The following CLMN variants were observed in gnomAD, a reference collection of about 807,000 sequenced individuals.
The protein encoded by CLMN is calmin.
Under a neutral mutation model 92.7 loss-of-function variants are expected in CLMN, and 57 were observed. The ratio of observed to expected loss-of-function variants is 0.61; its 90% CI spans 0.50 to 0.77. The LOEUF is 0.77. Among genes scored for constraint, CLMN ranks in the 30% least tolerant of loss-of-function variants. The probability of loss-of-function intolerance (pLI) is 0.00; values close to 1 mark genes in which losing one functional copy is unlikely to be tolerated. For synonymous variants in CLMN, 466 were observed against 470.6 expected, an observed-to-expected ratio of 0.99 and a Z score of 0.13; for missense variants, 1,158 against 1,237.5, an observed-to-expected ratio of 0.94 and a Z score of 0.96.
rs1392602177 is a variant in CLMN, at chr14:95,182,670, G to A, written c.*8894C>T. The A allele has an allele frequency of 6.6e-6, 1 of 152,238 alleles. No individual in the cohort carries two copies. The highest frequency in any genetic ancestry group is 2.4e-5 in the African/African-American group (1 of 41,454). 9.4% of individuals were successfully genotyped at this position (152,238 alleles called of 1,614,324 possible). The stretch of plus-strand genomic sequence containing the variant: ...TTGGAATGCAAACGGCTCCGATTCT[G>A]AGTAGAATTTCAGAAGCCTTTTTGA... On this transcript the variant is annotated 3_prime_UTR_variant, in exon 13 of 13. Coordinates refer to ENST00000298912, the MANE Select transcript of CLMN (RefSeq NM_024734.4).
rs185104374 is a variant in CLMN, at chr14:95,294,270, G to T, written c.82+25441C>A. On this transcript the variant is annotated intron_variant, in intron 1 of 12. Coordinates refer to ENST00000298912, the MANE Select transcript of CLMN (RefSeq NM_024734.4). This position sits in a 1 kb window ranked among gnomAD's most constrained non-coding sequence, Gnocchi z 4.2. ...AAAAGGCATGGCCCCTGCTTGCACGGGGAAGACAAAATTTAACCAAGAAAA... is the reference window on the plus strand; with the variant it reads ...AAAAGGCATGGCCCCTGCTTGCACGTGGAAGACAAAATTTAACCAAGAAAA... 1.3e-3 allele frequency among the ~76,000 whole-genome samples: 205 copies of T among 152,356 alleles called. 1 individual carries two copies. The highest frequency in any genetic ancestry group is 4.7e-3 in the African/African-American group (197 of 41,584).
rs1899156480 is a variant in CLMN, at chr14:95,259,306, G to A, written c.83-29173C>T. Among the ~76,000 whole-genome samples, 1 of 152,060 alleles carries A rather than the reference G, an allele frequency of 6.6e-6. No homozygotes were observed. The highest frequency in any genetic ancestry group is 1.5e-5 in the Non-Finnish European group (1 of 67,992). On this transcript the variant is annotated intron_variant, in intron 1 of 12. Coordinates refer to ENST00000298912, the MANE Select transcript of CLMN (RefSeq NM_024734.4). This position sits in a 1 kb window ranked among gnomAD's most constrained non-coding sequence, Gnocchi z 4.3. ...GGGGTAAACACATATGTTTGGTTGG[G>A]AGATGCGACAGAGCTGACAGCAGGC... is the stretch of plus-strand genomic sequence containing the variant.
Position 95,215,773 on chromosome 14 carries a change from A to G in CLMN, c.325-40T>C, listed in dbSNP as rs368091352. ...TTTATGAACTTAAAGCGAGGTGTCC[A>G]GGGAGGATAACATATGTTATTTTCT... On this transcript the variant is annotated intron_variant, in intron 4 of 12. Coordinates refer to ENST00000298912, the MANE Select transcript of CLMN (RefSeq NM_024734.4). 2.8e-6 allele frequency: 4 copies of G among 1,444,562 alleles called. No homozygotes were observed. In the African/African-American group the frequency reaches 5.6e-5, roughly 20 times the overall value. The allele number at this position is 1,444,562 out of a possible 1,614,324, so 89.5% of individuals were successfully genotyped here.
In CLMN at chr14:95,191,564, T is replaced by G. The variant is rs199504575; in HGVS notation, c.3009A>C (p.Ter1003CysextTer40). Residue 1003 changes from the stop codon to cysteine, a stop_lost, in exon 13 of 13, where the codon TGA becomes TGC. Coordinates refer to ENST00000298912, the MANE Select transcript of CLMN (RefSeq NM_024734.4). The surrounding 1 kb of genome is among the most constrained non-coding windows in gnomAD (Gnocchi z 5.3). Reference protein sequence around the residue: ...LFPQLDVSRL* With the variant: ...LFPQLDVSRLC ...CTTTTTTATTATCCAGACACACGTA[T>G]CAGAGCCTGCTAACATCCAGTTGTG... The G allele has an allele frequency of 2.0e-5, 33 of 1,610,672 alleles. No individual in the cohort carries two copies. The highest frequency in any genetic ancestry group is 1.7e-6 in the Non-Finnish European group (2 of 1,178,632).
intron 1 of CLMN, among the ~76,000 whole-genome samples, chr14:95,297,706 C>G (rs1366549662): frequency 6.6e-6 from 1 of 152,098 alleles, no homozygotes; most frequent in Non-Finnish European, 1.5e-5. Flanking sequence ...CTTCTTCCTC[C>G]TGAGCAGTAT....
chr14:95,319,579 C>T (rs1409280613), intron 1 of CLMN, 132 bp downstream of exon 1: 1 of 750,324 alleles, frequency 1.3e-6, no homozygotes, highest in Non-Finnish European at 2.0e-6. Flanking sequence ...CAGCCTCCCA[C>T]CTCGAGGCAA....
At chr14:95,319,489 G>T (rs1033547156) in intron 1 of CLMN, among the ~76,000 whole-genome samples, 1 of 152,256 alleles carries the variant, frequency 6.6e-6, no homozygotes, top group South Asian at 2.1e-4. Context: ...ACACACACAC[G>T]TGTGGCGCCC....
At chr14:95,261,399 T>G (rs1296759738) in intron 1 of CLMN, among the ~76,000 whole-genome samples, 1 of 152,118 alleles carries the variant, frequency 6.6e-6, no homozygotes, top group Non-Finnish European at 1.5e-5. Flanking sequence ...TTTCAGAGAG[T>G]GGGTGAATTC....
chr14:95,221,814 G>T, intron 3 of CLMN, 40 bp from the exon 4 acceptor site: 3 of 1,574,408 alleles, frequency 1.9e-6, no homozygotes, highest in East Asian at 2.2e-5. Context: ...CATTAAACCC[G>T]CACAGGCACT....
chr14:95,229,998 C>T (rs986394950), intron 2 of CLMN, 74 bp downstream of exon 2: 1 of 1,393,660 alleles, frequency 7.2e-7, no homozygotes, highest in Non-Finnish European at 1.0e-6. Context: ...ACCAGCTCCC[C>T]CTCCACTCTC....
At chr14:95,264,643 G>C (rs1337372031) in intron 1 of CLMN, among the ~76,000 whole-genome samples, 1 of 152,158 alleles carries the variant, frequency 6.6e-6, no homozygotes, top group Non-Finnish European at 1.5e-5. Context: ...ACTTCTATGA[G>C]CATGTTTAGA....
intron 8 of CLMN, 85 bp from the exon 9 acceptor site, chr14:95,204,548 A>C: frequency 7.9e-7 from 1 of 1,268,522 alleles, no homozygotes; most frequent in East Asian, 2.5e-5. Context: ...GAGTAAGAAG[A>C]ATATTTAAGT....
At chr14:95,212,820 C>G (rs1465257249) in intron 6 of CLMN, among the ~76,000 whole-genome samples, 1 of 145,340 alleles carries the variant, frequency 6.9e-6, no homozygotes, top group African/African-American at 2.6e-5. Flanking sequence ...TTGTCTCGCT[C>G]TGTTGCCCAG....
chr14:95,190,538 A>C lies in CLMN; in HGVS notation c.*1026T>G, dbSNP rs1181508747. The C allele has an allele frequency of 6.6e-6, 1 of 152,588 alleles. No homozygotes were observed. Among genetic ancestry groups the C allele is most frequent in the Non-Finnish European group, 1.5e-5 (1 of 68,320 alleles). 9.5% of individuals were successfully genotyped at this position (152,588 alleles called of 1,614,324 possible). ...AGAGAGCAGAGGGAGCCTGGGGCTG[A>C]GGAAGACTGGGGGCAGGGGTGCTAG... On this transcript the variant is annotated 3_prime_UTR_variant, in exon 13 of 13. Transcript: ENST00000298912.
At chr14:95,308,799 A>G (rs1172630527) in intron 1 of CLMN, among the ~76,000 whole-genome samples, 1 of 151,872 alleles carries the variant, frequency 6.6e-6, no homozygotes, top group Non-Finnish European at 1.5e-5. Flanking sequence ...TCAGGTTGCA[A>G]CTCCCCCAGT....
Position 95,203,834 on chromosome 14 carries a change from A to C in CLMN, c.1515T>G (p.Ser505=), listed in dbSNP as rs1414683902. 1 of 1,614,206 alleles carries C rather than the reference A, an allele frequency of 6.2e-7. No individual in the cohort carries two copies. The highest frequency in any genetic ancestry group is 2.2e-5 in the East Asian group (1 of 44,878). Residue 505 remains serine, a synonymous_variant, in exon 9 of 13, where the codon TCT becomes TCG. Transcript: ENST00000298912. Reference sequence around the variant, plus strand: ...TCTCTAAAGCACCATTACAGGAAGAAGACTGAGAATTATTGTTTGTGCCCT... The same window carrying C: ...TCTCTAAAGCACCATTACAGGAAGACGACTGAGAATTATTGTTTGTGCCCT... ...LVEGTNNNSQ[S]SSCNGALEST...
rs1381388838 is a variant in CLMN, at chr14:95,259,773, A to T, written c.83-29640T>A. On this transcript the variant is annotated intron_variant, in intron 1 of 12. Transcript: ENST00000298912. The surrounding 1 kb of genome is among the most constrained non-coding windows in gnomAD (Gnocchi z 4.3). ...AAAACCATGGCATGCATAACCCCTCAAAGGTTCTTCTTCACTCAGGACTCT... is the reference window on the plus strand; with the variant it reads ...AAAACCATGGCATGCATAACCCCTCTAAGGTTCTTCTTCACTCAGGACTCT... Among the ~76,000 whole-genome samples, 1 of 152,112 alleles carries T rather than the reference A, an allele frequency of 6.6e-6. No individual in the cohort carries two copies. The highest frequency in any genetic ancestry group is 2.4e-5 in the African/African-American group (1 of 41,414).
intron 1 of CLMN, among the ~76,000 whole-genome samples, chr14:95,262,717 C>T (rs185114135): frequency 1.2e-4 from 19 of 152,260 alleles, no homozygotes; most frequent in African/African-American, 4.3e-4. Flanking sequence ...CAGGTATGTG[C>T]CACCATGCCC....
At position 95,191,751 on chromosome 14, in the gene CLMN, G is replaced by A. The variant is rs764905766; in HGVS notation, c.2841-19C>T. The A allele has an allele frequency of 6.3e-7, 1 of 1,589,708 alleles. No homozygotes were observed. The highest frequency in any genetic ancestry group is 2.2e-5 in the East Asian group (1 of 44,522). On this transcript the variant is annotated intron_variant, in intron 12 of 12. Transcript: ENST00000298912. The surrounding 1 kb of genome is among the most constrained non-coding windows in gnomAD (Gnocchi z 5.3). The stretch of plus-strand genomic sequence containing the variant: ...GGCCTTCCTACAGAAGAAACACAGA[G>A]GAAACGCAGTTACCAAGCAGGTTCC...
Sources: gnomAD v4.1 joint callset for allele counts (sites outside exome capture counted in the v4.1 genomes callset) on GRCh38, gnomAD v4.1.1 for gene constraint, Gnocchi (gnomAD v3.1) non-coding constraint, MANE v1.5 for transcripts, NCBI Gene and HGNC (gene_info 2026-07-23, HGNC 2026-07-21) for gene names.